The following CYP2A13 variants were observed in gnomAD, a reference collection of about 807,000 sequenced individuals.
CYP2A13 encodes the protein cytochrome P450 family 2 subfamily A member 13.
In CYP2A13, 30 loss-of-function variants were observed where a neutral mutation model predicts 39.4. That is an observed-to-expected ratio of 0.76 (90% CI 0.57 to 1.03). The LOEUF (loss-of-function observed/expected upper bound fraction) is 1.03, where lower values mean the gene tolerates loss of function less well. CYP2A13 is among the 50% of genes least tolerant of loss of function. CYP2A13 has a pLI of 0.00. For synonymous variants in CYP2A13, 269 were observed against 254.7 expected (o/e 1.06, Z -0.54); for missense variants, 731 against 648.4 (o/e 1.13, Z -1.38).
rs1329479186 is a variant in CYP2A13 at position 41,093,683 on chromosome 19, C to G, written c.885C>G (p.Thr295=). Residue 295 remains threonine (T), a synonymous_variant, in exon 6 of 9, where the codon ACC becomes ACG. Coordinates refer to ENST00000330436, the MANE Select transcript of CYP2A13 (RefSeq NM_000766.5). The part of the protein sequence containing the change: ...EFYLKNLVMT[T]LNLFFAGTET... ...ACTTGAAGAACCTGGTGATGACCAC[C>G]CTGAACCTCTTCTTTGCGGGCACTG... is the stretch of plus-strand genomic sequence containing the variant. The G allele has an allele frequency of 6.2e-6, 10 of 1,614,158 alleles. No individual in the cohort carries two copies. The highest frequency in any genetic ancestry group is 1.7e-5 in the Admixed American group (1 of 60,020).
intron 2 of CYP2A13, among the ~76,000 whole-genome samples, chr19:41,089,695 C>T (rs1482498092): frequency 1.3e-5 from 2 of 151,902 alleles, no homozygotes; most frequent in African/African-American, 4.8e-5. Context: ...TCTTTCTCTC[C>T]CCACTTCCTT....
intron 5 of CYP2A13, among the ~76,000 whole-genome samples, chr19:41,092,607 G>A (rs1391485086): frequency 1.3e-5 from 2 of 152,194 alleles, no homozygotes; most frequent in Admixed American, 6.5e-5. Flanking sequence ...CACACAGTGA[G>A]GAAGCCATGG....
At position 41,091,892 on chromosome 19, in the gene CYP2A13, T is replaced by A; in HGVS notation, c.815T>A (p.Leu272His). 6.2e-7 allele frequency: 1 copy of A among 1,614,182 alleles called. No homozygotes were observed. Among genetic ancestry groups the A allele is most frequent in the Non-Finnish European group, 8.5e-7 (1 of 1,180,024 alleles). Residue 272 changes from leucine (L) to histidine (H), a missense_variant, in exon 5 of 9, where the codon CTC (leucine) becomes CAC (histidine). Coordinates refer to ENST00000330436, the MANE Select transcript of CYP2A13 (RefSeq NM_000766.5). The part of the protein sequence containing the change: ...NSPRDFIDSF[L>H]IRMQEEEKNP... ...CCACGGGACTTCATCGACTCCTTTC[T>A]CATCCGCATGCAGGAGGTACATCCC...
chr19:41,094,312 C>G lies in CYP2A13; in HGVS notation c.1041C>G (p.Ala347=), dbSNP rs778166519. ...GGCAGCCCAAGTTTGAGGACCGGGCCAAGATGCCCTACACAGAGGCAGTGA... is the reference window on the plus strand; with the variant it reads ...GGCAGCCCAAGTTTGAGGACCGGGCGAAGATGCCCTACACAGAGGCAGTGA... The part of the protein sequence containing the change: ...KNRQPKFEDR[A]KMPYTEAVIH... The change falls in exon 7 of 9, where the codon GCC becomes GCG. Residue 347 remains alanine, a synonymous_variant. Coordinates refer to ENST00000330436, the MANE Select transcript of CYP2A13 (RefSeq NM_000766.5). The G allele has an allele frequency of 6.2e-7, 1 of 1,614,098 alleles. No homozygotes were observed. The highest frequency in any genetic ancestry group is 8.5e-7 in the Non-Finnish European group (1 of 1,180,002).
At chr19:41,088,688 G>T (rs768256560) in intron 1 of CYP2A13, 37 bp downstream of exon 1, 2 of 1,593,188 alleles carry the variant, frequency 1.3e-6, no homozygotes, top group East Asian at 4.5e-5. Context: ...CACGGGGTGG[G>T]GGCTGCCCAG....
intron 7 of CYP2A13, 136 bp downstream of exon 7, chr19:41,094,568 C>T: frequency 4.0e-6 from 4 of 992,764 alleles, no homozygotes; most frequent in Non-Finnish European, 6.1e-6. Flanking sequence ...ACTTCCCCAA[C>T]CACCACATCT....
chr19:41,091,271 C>T lies in CYP2A13; in HGVS notation c.655-461C>T, dbSNP rs143767503. ...CATCTTCACCAGCCCCACTTTAATA[C>T]CTGAACACCTGAACAAAAGCCCCCA... On this transcript the variant is annotated intron_variant, in intron 4 of 8. Transcript: ENST00000330436. 2.8e-3 allele frequency among the ~76,000 whole-genome samples: 432 copies of T among 152,286 alleles called. 2 individuals are homozygous for T. Among genetic ancestry groups the T allele is most frequent in the Non-Finnish European group, 4.6e-3 (312 of 68,026 alleles).
chr19:41,089,920 G>A (rs959298136), intron 2 of CYP2A13, 127 bp from the exon 3 acceptor site: 1 of 1,054,884 alleles, frequency 9.5e-7, no homozygotes, highest in Middle Eastern at 3.8e-4. Flanking sequence ...CTGGGCACTC[G>A]CGCTGAATCC....
chr19:41,095,810 T>G lies in CYP2A13; in HGVS notation c.1354T>G (p.Phe452Val), dbSNP rs372106718. Residue 452 changes from phenylalanine to valine, a missense_variant, in exon 9 of 9, where the codon TTC becomes GTC. Phe to Val is a conservative substitution (Grantham distance 50, BLOSUM62 -1). Coordinates refer to ENST00000330436, the MANE Select transcript of CYP2A13 (RefSeq NM_000766.5). ...EGLARMELFLFFTTIMQNFRF... is the reference protein window; with the variant it reads ...EGLARMELFLVFTTIMQNFRF... ...CCTGGCCAGAATGGAGCTCTTTCTCTTCTTCACCACCATCATGCAGAACTT... is the reference window on the plus strand; with the variant it reads ...CCTGGCCAGAATGGAGCTCTTTCTCGTCTTCACCACCATCATGCAGAACTT... 2.1e-5 allele frequency: 34 copies of G among 1,614,000 alleles called. No individual in the cohort carries two copies. The highest frequency in any genetic ancestry group is 2.9e-5 in the Non-Finnish European group (34 of 1,179,992).
intron 5 of CYP2A13, among the ~76,000 whole-genome samples, chr19:41,092,686 C>T (rs925984998): frequency 1.1e-4 from 16 of 152,272 alleles, no homozygotes; most frequent in Middle Eastern, 6.8e-3. Context: ...GCTCTCTAAC[C>T]GTTCATGTCC....
chr19:41,094,425 T>G lies in CYP2A13; in HGVS notation c.1154T>G (p.Leu385Arg). ...NKDTKFRDFFLPKGTEVFPML... is the reference protein window; with the variant it reads ...NKDTKFRDFFRPKGTEVFPML... ...GACACCAAGTTTCGGGATTTCTTCCTCCCTAAGGTGCTGTCTCCCCTCCAC... is the reference window on the plus strand; with the variant it reads ...GACACCAAGTTTCGGGATTTCTTCCGCCCTAAGGTGCTGTCTCCCCTCCAC... Residue 385 changes from leucine (L) to arginine (R), a missense_variant, in exon 7 of 9, where the codon CTC (leucine) becomes CGC (arginine). Physicochemically the swap from Leu to Arg is moderately radical, Grantham distance 102 (BLOSUM62 -2). Transcript: ENST00000330436. The G allele has an allele frequency of 6.2e-7, 1 of 1,613,966 alleles. No individual in the cohort carries two copies. Among genetic ancestry groups the G allele is most frequent in the Non-Finnish European group, 8.5e-7 (1 of 1,179,964 alleles).
chr19:41,093,789 G>A lies in CYP2A13; in HGVS notation c.973+18G>A, dbSNP rs1034340532. The A allele has an allele frequency of 6.2e-6, 10 of 1,613,150 alleles. No homozygotes were observed. Among genetic ancestry groups the A allele is most frequent in the South Asian group, 1.1e-5 (1 of 91,028 alleles). On this transcript the variant is annotated intron_variant, in intron 6 of 8. Transcript: ENST00000330436. Reference sequence around the variant, plus strand: ...GGTGGAGGGTAAGACTGGAAAGGGAGGAAAGTGAAGGGCCCCAGACCCTCA... The same window carrying A: ...GGTGGAGGGTAAGACTGGAAAGGGAAGAAAGTGAAGGGCCCCAGACCCTCA...
chr19:41,093,838 T>C, intron 6 of CYP2A13, 67 bp downstream of exon 6: 3 of 1,568,866 alleles, frequency 1.9e-6, no homozygotes, highest in Admixed American at 1.8e-5. Context: ...CCTGGTGCAG[T>C]GTACCCACCT....
chr19:41,091,806 G>A lies in CYP2A13; in HGVS notation c.729G>A (p.Gly243=), dbSNP rs766691370. Residue 243 remains glycine, a synonymous_variant, in exon 5 of 9, where the codon GGG becomes GGA. Transcript: ENST00000330436. The part of the protein sequence containing the change: ...PQQQAFKELQ[G]LEDFIAKKVE... ...AACAGGCCTTTAAGGAGCTGCAAGG[G>A]CTGGAGGACTTCATCGCCAAGAAGG... 1 of 1,614,150 alleles carries A rather than the reference G, an allele frequency of 6.2e-7. No homozygotes were observed. The highest frequency in any genetic ancestry group is 1.1e-5 in the South Asian group (1 of 91,088).
At chr19:41,091,665 C>G (rs1044235832) in intron 4 of CYP2A13, 67 bp from the exon 5 acceptor site, 41 of 1,587,160 alleles carry the variant, frequency 2.6e-5, no homozygotes, top group Non-Finnish European at 3.3e-5. Flanking sequence ...AAACAAATCC[C>G]CATTCCCATC....
rs1469757209 is a variant in CYP2A13, at chr19:41,096,160, A to G, written c.*219A>G. The G allele has an allele frequency of 1.1e-4, 71 of 669,294 alleles. No homozygotes were observed. Among genetic ancestry groups the G allele is most frequent in the South Asian group, 4.1e-4 (21 of 50,984 alleles). 41.5% of individuals were successfully genotyped at this position (669,294 alleles called of 1,614,324 possible). A position where few individuals can be genotyped will look rare whatever the true frequency, so the allele number is the denominator to read the frequency against. ...GAAGGGAAACCTTACAGTATGCTAC[A>G]AAGAGTAGTAATAATAGCAGCTCTT... On this transcript the variant is annotated 3_prime_UTR_variant, in exon 9 of 9. Transcript: ENST00000330436.
intron 4 of CYP2A13, among the ~76,000 whole-genome samples, 186 bp from the exon 5 acceptor site, chr19:41,091,546 C>A (rs1303738882): frequency 1.3e-5 from 2 of 152,202 alleles, no homozygotes; most frequent in Non-Finnish European, 2.9e-5. Flanking sequence ...TAGACCGTGG[C>A]CCTGGCACCT....
At position 41,094,226 on chromosome 19, in the gene CYP2A13, C is replaced by T. The variant is rs1184341143; in HGVS notation, c.974-19C>T. 1.5e-5 allele frequency: 24 copies of T among 1,613,180 alleles called. No homozygotes were observed. In the Admixed American group the frequency reaches 3.8e-4, roughly 26 times the overall value. ...TCTAAGACCCCTAGACACCTAAACA[C>T]ATTCCCCTCCTCCCCCAGCCAAGGT... On this transcript the variant is annotated intron_variant, in intron 6 of 8. Transcript: ENST00000330436.
In CYP2A13 at chr19:41,088,454, T is replaced by G; in HGVS notation, c.-18T>G. 7 of 1,609,682 alleles carry G rather than the reference T, an allele frequency of 4.3e-6. No individual in the cohort carries two copies. The highest frequency in any genetic ancestry group is 5.9e-6 in the Non-Finnish European group (7 of 1,177,268). The stretch of plus-strand genomic sequence containing the variant: ...GCAAACCACCCCAGCCATCACCATC[T>G]ATCATCCCACTGCCACCATGCTGGC... On this transcript the variant is annotated 5_prime_UTR_variant, in exon 1 of 9. Coordinates refer to ENST00000330436, the MANE Select transcript of CYP2A13 (RefSeq NM_000766.5).
Sources: gnomAD v4.1 joint callset for allele counts (sites outside exome capture counted in the v4.1 genomes callset) on GRCh38, gnomAD v4.1.1 for gene constraint, MANE v1.5 for transcripts, NCBI Gene and HGNC (gene_info 2026-07-23, HGNC 2026-07-21) for gene names.